Variants in ZNF804B observed in about 807,000 individuals in gnomAD.
ZNF804B encodes the protein zinc finger protein 804B.
ZNF804B carries 80 observed loss-of-function variants against 101.4 expected under a neutral mutation model. The observed-to-expected ratio is 0.79, with a 90% CI of 0.66 to 0.95. ZNF804B has a LOEUF of 0.95. Ranked by LOEUF, ZNF804B falls within the 40% of genes least tolerant of loss-of-function variation. The pLI, the probability that ZNF804B is intolerant of heterozygous loss-of-function variation, is 0.00. For synonymous variants in ZNF804B, 622 were observed against 558.8 expected (o/e 1.11, Z -1.59); for missense variants, 1,673 against 1,561.9 (o/e 1.07, Z -1.20).
chr7:89,050,426 C>T (rs7795297), intron 1 of ZNF804B, among the ~76,000 whole-genome samples: 67,979 of 151,932 alleles, frequency 0.45, 16,058 homozygotes, highest in Non-Finnish European at 0.52. Flanking sequence ...ATAATTCAAA[C>T]GGGGAATTGG....
At chr7:88,942,011 G>A (rs1312469209) in intron 1 of ZNF804B, among the ~76,000 whole-genome samples, 1 of 151,890 alleles carries the variant, frequency 6.6e-6, no homozygotes, top group Non-Finnish European at 1.5e-5. Context: ...GTTGTGCCTA[G>A]ATGAAGGAAG....
chr7:89,061,328 G>A (rs34434448), intron 1 of ZNF804B, among the ~76,000 whole-genome samples: 35 of 152,048 alleles, frequency 2.3e-4, no homozygotes, highest in African/African-American at 8.4e-4. Flanking sequence ...TGGGACTTCA[G>A]CATTTGGGAT....
At chr7:88,858,720 T>C (rs1402785943) in intron 1 of ZNF804B, among the ~76,000 whole-genome samples, 4 of 152,140 alleles carry the variant, frequency 2.6e-5, no homozygotes, top group African/African-American at 9.7e-5. Flanking sequence ...ATAATAATAA[T>C]ATCATTTGAA....
intron 1 of ZNF804B, among the ~76,000 whole-genome samples, chr7:89,098,805 T>A (rs1345432852): frequency 6.6e-6 from 1 of 151,990 alleles, no homozygotes; most frequent in Non-Finnish European, 1.5e-5. Flanking sequence ...GACTCTGAAC[T>A]GTAAACTGCC....
At chr7:88,899,569 C>A (rs1437873230) in intron 1 of ZNF804B, among the ~76,000 whole-genome samples, 1 of 152,158 alleles carries the variant, frequency 6.6e-6, no homozygotes, top group Non-Finnish European at 1.5e-5. Context: ...CCAGACTCTC[C>A]CTTTTTTTGT....
At chr7:88,861,786 T>C (rs1008462085) in intron 1 of ZNF804B, among the ~76,000 whole-genome samples, 2 of 152,220 alleles carry the variant, frequency 1.3e-5, no homozygotes, top group African/African-American at 4.8e-5. Context: ...ATCTGAGATA[T>C]GTAGCACATA....
At chr7:88,823,742 A>G (rs933048496) in intron 1 of ZNF804B, among the ~76,000 whole-genome samples, 21 of 152,132 alleles carry the variant, frequency 1.4e-4, no homozygotes, top group African/African-American at 4.6e-4. Flanking sequence ...ATTGGGATCT[A>G]TGGATGTGCT....
intron 1 of ZNF804B, among the ~76,000 whole-genome samples, chr7:89,191,967 A>C (rs1562910480): frequency 6.6e-6 from 1 of 152,062 alleles, no homozygotes; most frequent in Non-Finnish European, 1.5e-5. Context: ...TTTTTGAATG[A>C]AATAAGAAAT....
chr7:89,154,460 C>T (rs765663418), intron 1 of ZNF804B, among the ~76,000 whole-genome samples: 2 of 152,098 alleles, frequency 1.3e-5, no homozygotes, highest in Non-Finnish European at 2.9e-5. Flanking sequence ...TGGAAGCAAC[C>T]TGTCTCCATA....
chr7:89,156,059 T>C (rs1253134939), intron 1 of ZNF804B, among the ~76,000 whole-genome samples: 2 of 80,284 alleles, frequency 2.5e-5, no homozygotes, highest in African/African-American at 4.3e-5. Context: ...TTTCTTTCTT[T>C]CTTTCTTTCT....
In ZNF804B at chr7:89,002,647, T is replaced by C. The variant is rs138805814; in HGVS notation, c.109-215508T>C. On this transcript the variant is annotated intron_variant, in intron 1 of 3. Coordinates refer to ENST00000333190, the MANE Select transcript of ZNF804B (RefSeq NM_181646.5). The stretch of plus-strand genomic sequence containing the variant: ...CTACTATCATGTTATTTACCTCTAA[T>C]TGACAATTTTCACAGATTTAAAAGC... Among the ~76,000 whole-genome samples the C allele has an allele frequency of 4.5e-3, 689 of 152,022 alleles. 7 individuals are homozygous for C. Among genetic ancestry groups the C allele is most frequent in the African/African-American group, 0.016 (655 of 41,522 alleles).
intron 2 of ZNF804B, among the ~76,000 whole-genome samples, chr7:89,226,881 T>C (rs1007957646): frequency 5.3e-5 from 8 of 152,176 alleles, no homozygotes; most frequent in African/African-American, 1.9e-4. Context: ...CTTTCCTGAA[T>C]TATATACCAT....
chr7:88,781,922 T>C (rs756918912), intron 1 of ZNF804B, among the ~76,000 whole-genome samples: 3 of 152,152 alleles, frequency 2.0e-5, no homozygotes, highest in Non-Finnish European at 2.9e-5. Context: ...GGGTAGAAAA[T>C]GTCTCCAGGC....
intron 2 of ZNF804B, among the ~76,000 whole-genome samples, chr7:89,241,204 A>T (rs971984512): frequency 5.3e-5 from 8 of 152,118 alleles, no homozygotes; most frequent in African/African-American, 1.9e-4. Flanking sequence ...TCCCTAACAA[A>T]TAACCCTACT....
intron 1 of ZNF804B, among the ~76,000 whole-genome samples, chr7:89,183,115 T>C (rs1788322436): frequency 6.6e-6 from 1 of 152,108 alleles, no homozygotes; most frequent in Non-Finnish European, 1.5e-5. Flanking sequence ...TCATGTTGGC[T>C]AAAATATAAA....
intron 1 of ZNF804B, among the ~76,000 whole-genome samples, chr7:89,002,339 G>T (rs911436971): frequency 2.0e-5 from 3 of 151,728 alleles, no homozygotes; most frequent in Admixed American, 6.6e-5. Context: ...AAAAATTTTT[G>T]AGAAATTCAC....
At chr7:89,070,290 TGA>T (rs1789516210) in intron 1 of ZNF804B, among the ~76,000 whole-genome samples, 1 of 152,114 alleles carries the variant, frequency 6.6e-6, no homozygotes, top group Non-Finnish European at 1.5e-5. Flanking sequence ...GGCGCTGGCT[TGA>T]GAATAAGCTT....
chr7:89,205,818 C>T (rs896251730), intron 1 of ZNF804B, among the ~76,000 whole-genome samples: 1 of 152,170 alleles, frequency 6.6e-6, no homozygotes, highest in African/African-American at 2.4e-5. Context: ...CTCACAGCTC[C>T]ACTAGGCAGT....
In ZNF804B at chr7:88,854,398, T is replaced by TCTTCCTTTCTTTCTTC. The variant is rs1791498744; in HGVS notation, c.108+94317_108+94318insCCTTTCTTTCTTCCTT. On this transcript the variant is annotated intron_variant, in intron 1 of 3. Coordinates refer to ENST00000333190, the MANE Select transcript of ZNF804B (RefSeq NM_181646.5). ...TCTTTCTGTACTGCATTTCTTTCTTTCTTTCTTTCTTTCTTCCTTTCTTTC... is the reference window on the plus strand; with the variant it reads ...TCTTTCTGTACTGCATTTCTTTCTTTCTTCCTTTCTTTCTTCCTTTCTTTCTTTCTTCCTTTCTTTC... Among the ~76,000 whole-genome samples the TCTTCCTTTCTTTCTTC allele has an allele frequency of 4.4e-5, 6 of 134,880 alleles. No homozygotes were observed. In the Admixed American group the frequency reaches 4.5e-4, roughly 10 times the overall value. The allele number at this position is 134,880 out of a possible 152,430, so 88.5% of individuals were successfully genotyped here.
Sources: allele counts gnomAD v4.1 joint callset (sites outside exome capture counted in the v4.1 genomes callset), GRCh38; gene constraint gnomAD v4.1.1; transcripts MANE v1.5; gene names NCBI Gene and HGNC (gene_info 2026-07-23, HGNC 2026-07-21).